CNTNAP5: variants seen among roughly 807,000 people sequenced by gnomAD.
The protein encoded by CNTNAP5 is contactin associated protein family member 5.
Under a neutral mutation model 150.2 loss-of-function variants are expected in CNTNAP5, and 72 were observed. The observed-to-expected ratio is 0.48, with a 90% CI of 0.40 to 0.58. CNTNAP5 has a LOEUF of 0.58. Ranked by LOEUF, CNTNAP5 falls within the 20% of genes least tolerant of loss-of-function variation. The pLI, the probability that CNTNAP5 is intolerant of heterozygous loss-of-function variation, is 0.00. For synonymous variants in CNTNAP5, 672 were observed against 619.8 expected, an observed-to-expected ratio of 1.08 and a Z score of -1.25; for missense variants, 1,636 against 1,626.2, an observed-to-expected ratio of 1.01 and a Z score of -0.10.
intron 1 of CNTNAP5, among the ~76,000 whole-genome samples, chr2:124,124,316 T>G (rs1683635080): frequency 6.6e-6 from 1 of 151,948 alleles, no homozygotes; most frequent in African/African-American, 2.4e-5. Flanking sequence ...GTATCAGTGA[T>G]GGAAGATCAA....
Position 124,474,734 on chromosome 2 carries a change from A to C in CNTNAP5, c.919-5A>C, listed in dbSNP as rs985956612. On this transcript the variant is annotated splice_polypyrimidine_tract_variant and splice_region_variant and intron_variant, in intron 6 of 23. Coordinates refer to ENST00000682447, the MANE Select transcript of CNTNAP5 (RefSeq NM_001367498.1). ...AAGAGTTTGTTTCTATTTTCACCCC[A>C]AAAGCTTAGTTTTGGAGGAATTCCA... 3.9e-6 allele frequency: 6 copies of C among 1,555,134 alleles called. No homozygotes were observed. The African/African-American group carries it at 8.4e-5, about 22-fold the overall frequency.
At chr2:124,759,348 TTATA>T (rs201675788) in intron 14 of CNTNAP5, among the ~76,000 whole-genome samples, 1 of 146,890 alleles carries the variant, frequency 6.8e-6, no homozygotes, top group Non-Finnish European at 1.5e-5. Flanking sequence ...TATATATACA[TTATA>T]TATATATTCA....
intron 3 of CNTNAP5, among the ~76,000 whole-genome samples, chr2:124,362,460 C>T (rs1456595275): frequency 6.6e-6 from 1 of 152,236 alleles, no homozygotes; most frequent in Admixed American, 6.5e-5. Flanking sequence ...ATACATTAGA[C>T]AAATGGTTCT....
intron 13 of CNTNAP5, among the ~76,000 whole-genome samples, chr2:124,734,507 G>A (rs1238330523): frequency 6.6e-6 from 1 of 151,964 alleles, no homozygotes; most frequent in Non-Finnish European, 1.5e-5. Context: ...AGCGAAGAAA[G>A]AGTAACTGTG....
intron 1 of CNTNAP5, among the ~76,000 whole-genome samples, chr2:124,115,055 A>T (rs538159704): frequency 3.2e-4 from 49 of 152,164 alleles, no homozygotes; most frequent in African/African-American, 1.1e-3. Context: ...ATAATAGCAC[A>T]TTATTATGAT....
chr2:124,541,583 A>T (rs1364759987), intron 10 of CNTNAP5, among the ~76,000 whole-genome samples: 1 of 152,132 alleles, frequency 6.6e-6, no homozygotes, highest in Non-Finnish European at 1.5e-5. Flanking sequence ...GAAACTCTGG[A>T]GTTTATGTGA....
intron 1 of CNTNAP5, among the ~76,000 whole-genome samples, chr2:124,029,873 A>G (rs1680997301): frequency 6.6e-6 from 1 of 152,148 alleles, no homozygotes. Context: ...AATGATAATT[A>G]TCCCCCTTAG....
At chr2:124,304,554 T>G (rs1688634957) in intron 3 of CNTNAP5, among the ~76,000 whole-genome samples, 1 of 150,004 alleles carries the variant, frequency 6.7e-6, no homozygotes, top group South Asian at 2.1e-4. Context: ...ACTAGACAGC[T>G]GTAAAGAATT....
At chr2:124,884,384 C>T (rs148494665) in intron 21 of CNTNAP5, among the ~76,000 whole-genome samples, 100 of 152,066 alleles carry the variant, frequency 6.6e-4, no homozygotes, top group African/African-American at 2.4e-3. Context: ...TGTGTGTGCC[C>T]ATGTGTTTTG....
chr2:124,797,611 A>C (rs1431561501), intron 18 of CNTNAP5, among the ~76,000 whole-genome samples: 1 of 152,174 alleles, frequency 6.6e-6, no homozygotes, highest in African/African-American at 2.4e-5. Flanking sequence ...TGCTCACCCC[A>C]ATGTCTTGCT....
rs1036775916 is a variant in CNTNAP5, at chr2:124,911,675, T to A, written c.3727+137T>A. 4 of 685,226 alleles carry A rather than the reference T, an allele frequency of 5.8e-6. No individual in the cohort carries two copies. In the African/African-American group the frequency reaches 7.1e-5, roughly 12 times the overall value. The allele number at this position is 685,226 out of a possible 1,614,324, so 42.4% of individuals were successfully genotyped here. A position where few individuals can be genotyped will look rare whatever the true frequency, so the allele number is the denominator to read the frequency against. On this transcript the variant is annotated intron_variant, in intron 23 of 23. Transcript: ENST00000682447. The stretch of plus-strand genomic sequence containing the variant: ...CATTACCTGCAAGACTGTGGGCTTT[T>A]CATGAGTAGTCCTGTGTGCTGAATG...
intron 1 of CNTNAP5, among the ~76,000 whole-genome samples, chr2:124,075,351 G>C (rs1682412978): frequency 6.6e-6 from 1 of 152,106 alleles, no homozygotes; most frequent in Non-Finnish European, 1.5e-5. Flanking sequence ...TCGATGCCAT[G>C]AAAGATCTCT....
At chr2:124,903,150 T>C (rs374811122) in intron 22 of CNTNAP5, 50 bp downstream of exon 22, 3 of 1,219,622 alleles carry the variant, frequency 2.5e-6, no homozygotes, top group Non-Finnish European at 2.2e-6. Context: ...GCACTACTTT[T>C]TGTGTCTTCA....
At chr2:124,360,919 C>G (rs1186323820) in intron 3 of CNTNAP5, among the ~76,000 whole-genome samples, 2 of 145,770 alleles carry the variant, frequency 1.4e-5, no homozygotes, top group African/African-American at 5.1e-5. Context: ...AACTTGGTTC[C>G]CTTCTCCCCA....
chr2:124,805,608 T>C (rs945373682), intron 19 of CNTNAP5, among the ~76,000 whole-genome samples: 1 of 152,164 alleles, frequency 6.6e-6, no homozygotes, highest in Non-Finnish European at 1.5e-5. Context: ...CCAACAAATA[T>C]GTCAAAATAC....
intron 21 of CNTNAP5, among the ~76,000 whole-genome samples, chr2:124,878,560 C>G (rs1343612387): frequency 6.6e-6 from 1 of 152,034 alleles, no homozygotes; most frequent in Non-Finnish European, 1.5e-5. Flanking sequence ...TGTAACAAAG[C>G]TTAAATTTTA....
At chr2:124,532,038 A>G (rs1695122531) in intron 10 of CNTNAP5, among the ~76,000 whole-genome samples, 1 of 152,070 alleles carries the variant, frequency 6.6e-6, no homozygotes, top group Non-Finnish European at 1.5e-5. Context: ...TTGATTAGTG[A>G]TTGGCTATGT....
intron 1 of CNTNAP5, among the ~76,000 whole-genome samples, chr2:124,152,636 G>A (rs1390671088): frequency 3.3e-5 from 5 of 152,018 alleles, no homozygotes; most frequent in Non-Finnish European, 1.5e-5. Flanking sequence ...CATGGGCTGA[G>A]AGCTGGAGAG....
At chr2:124,764,183 T>C (rs1164914588) in intron 16 of CNTNAP5, 36 bp downstream of exon 16, 3 of 1,561,766 alleles carry the variant, frequency 1.9e-6, no homozygotes. Flanking sequence ...ATGTAACTGA[T>C]CAACAAACAA....
Sources: gnomAD v4.1 joint callset for allele counts (sites outside exome capture counted in the v4.1 genomes callset) on GRCh38, gnomAD v4.1.1 for gene constraint, MANE v1.5 for transcripts, NCBI Gene and HGNC (gene_info 2026-07-23, HGNC 2026-07-21) for gene names.